Variants in WDR45B observed in about 807,000 individuals in gnomAD.
WDR45B encodes WD repeat domain phosphoinositide-interacting protein 3.
WDR45B carries 20 observed loss-of-function variants against 44.6 expected under a neutral mutation model. The ratio of observed to expected loss-of-function variants is 0.45; its 90% CI spans 0.32 to 0.65. WDR45B has a LOEUF of 0.65. Among genes scored for constraint, WDR45B ranks in the 30% least tolerant of loss-of-function variants. The probability of loss-of-function intolerance (pLI) is 0.05; values close to 1 mark genes in which losing one functional copy is unlikely to be tolerated. For missense variants in WDR45B, 323 were observed against 430.2 expected (o/e 0.75, Z 2.20); for synonymous variants, 169 against 164.9 (o/e 1.02, Z -0.19).
chr17:82,621,932 T>G (rs1257141437), intron 5 of WDR45B, 133 bp from the exon 6 acceptor site: 1 of 1,067,858 alleles, frequency 9.4e-7, no homozygotes, highest in Non-Finnish European at 1.4e-6. Flanking sequence ...CAAATTCAAT[T>G]TAAAGATTTT....
intron 1 of WDR45B, among the ~76,000 whole-genome samples, chr17:82,645,292 C>T (rs1248161981): frequency 6.1e-5 from 9 of 148,588 alleles, no homozygotes; most frequent in South Asian, 2.1e-4. Context: ...AGCAAGACTC[C>T]GTCTCAAAAA....
chr17:82,621,361 T>C (rs576565370), intron 6 of WDR45B, among the ~76,000 whole-genome samples: 36 of 152,304 alleles, frequency 2.4e-4, no homozygotes, highest in African/African-American at 8.7e-4. Context: ...CCCTGTTTCT[T>C]TGGCTTATCA....
chr17:82,634,500 A>G (rs1222953108), intron 2 of WDR45B, among the ~76,000 whole-genome samples: 1 of 150,514 alleles, frequency 6.6e-6, no homozygotes, highest in African/African-American at 2.5e-5. Flanking sequence ...TCAAAAAAAA[A>G]GAAAAAAACA....
At chr17:82,623,387 C>CAAAA (rs59311520) in intron 5 of WDR45B, among the ~76,000 whole-genome samples, 1 of 99,454 alleles carries the variant, frequency 1.0e-5, no homozygotes, top group Non-Finnish European at 2.1e-5. Flanking sequence ...ACTCTATCTC[C>CAAAA]AAAAAAAAAA....
chr17:82,641,845 C>G (rs2045920599), intron 2 of WDR45B, among the ~76,000 whole-genome samples: 2 of 151,784 alleles, frequency 1.3e-5, no homozygotes, highest in African/African-American at 4.8e-5. Flanking sequence ...TTGCAGTGAG[C>G]CGAGATCACA....
intron 2 of WDR45B, among the ~76,000 whole-genome samples, chr17:82,643,079 C>A (rs550221030): frequency 6.6e-6 from 1 of 152,266 alleles, no homozygotes; most frequent in South Asian, 2.1e-4. Context: ...TCTTACGCAC[C>A]CTGACTCATT....
intron 1 of WDR45B, among the ~76,000 whole-genome samples, chr17:82,647,197 C>T (rs959340669): frequency 8.4e-6 from 1 of 119,654 alleles, no homozygotes; most frequent in Admixed American, 8.8e-5. Flanking sequence ...CCAGGCTGGG[C>T]GACAGAATGA....
chr17:82,643,601 A>G (rs2045942950), intron 2 of WDR45B, among the ~76,000 whole-genome samples: 1 of 152,158 alleles, frequency 6.6e-6, no homozygotes, highest in Non-Finnish European at 1.5e-5. Context: ...ATAAAGCACC[A>G]CTTACTGTTC....
intron 2 of WDR45B, among the ~76,000 whole-genome samples, chr17:82,640,486 G>T (rs2045900223): frequency 6.6e-6 from 1 of 151,886 alleles, no homozygotes; most frequent in South Asian, 2.1e-4. Context: ...GAGTAGCTGG[G>T]ATTAAAGGCA....
chr17:82,631,101 A>G (rs2143318074), intron 2 of WDR45B, 79 bp from the exon 3 acceptor site: 1 of 1,429,874 alleles, frequency 7.0e-7, no homozygotes, highest in Admixed American at 1.7e-5. Flanking sequence ...GAGAAAGTCA[A>G]GACAGGTAAC....
At chr17:82,647,025 T>C (rs767297308) in intron 1 of WDR45B, among the ~76,000 whole-genome samples, 3 of 152,060 alleles carry the variant, frequency 2.0e-5, no homozygotes, top group African/African-American at 7.2e-5. Context: ...TGAGGTCAGA[T>C]TGAGACCAGC....
chr17:82,624,355 G>A (rs1448844125), intron 5 of WDR45B, among the ~76,000 whole-genome samples: 2 of 152,118 alleles, frequency 1.3e-5, no homozygotes, highest in Admixed American at 6.5e-5. Context: ...TCCGCCTCCC[G>A]GGTTCAAGCA....
chr17:82,627,704 C>T (rs562795901), intron 3 of WDR45B, among the ~76,000 whole-genome samples: 33 of 152,378 alleles, frequency 2.2e-4, no homozygotes, highest in African/African-American at 7.9e-4. Flanking sequence ...GCGCACAGCC[C>T]GGTCCCGGTC....
intron 1 of WDR45B, chr17:82,644,580 T>C (rs536355347): frequency 8.4e-5 from 15 of 177,626 alleles, no homozygotes; most frequent in Admixed American, 3.7e-4. Flanking sequence ...TCCTGGTCAC[T>C]GCCTCCAAGT....
intron 8 of WDR45B, 143 bp downstream of exon 8, chr17:82,617,153 A>T (rs1033874854): frequency 1.2e-5 from 9 of 775,522 alleles, no homozygotes; most frequent in Non-Finnish European, 1.7e-5. Context: ...TATAAAATTA[A>T]ATGAAAAAGA....
chr17:82,618,994 G>A (rs761017955), intron 7 of WDR45B, 49 bp downstream of exon 7: 14 of 1,580,978 alleles, frequency 8.9e-6, no homozygotes, highest in African/African-American at 1.3e-5. Context: ...GCCCACTTCC[G>A]TGCTGTCAGC....
intron 8 of WDR45B, 133 bp from the exon 9 acceptor site, chr17:82,616,778 T>G (rs1347071223): frequency 1.7e-6 from 2 of 1,186,046 alleles, no homozygotes; most frequent in East Asian, 4.9e-5. Flanking sequence ...ATTTTTTTTT[T>G]GCCATGCATG....
At chr17:82,616,920 C>T (rs1442734796) in intron 8 of WDR45B, among the ~76,000 whole-genome samples, 2 of 152,086 alleles carry the variant, frequency 1.3e-5, no homozygotes, top group South Asian at 2.1e-4. Flanking sequence ...CGGCTTCAAG[C>T]GATTCTCCTG....
At position 82,643,937 on chromosome 17, in the gene WDR45B, G is replaced by A. The variant is rs777401184; in HGVS notation, c.142+12C>T. 31 of 1,612,822 alleles carry A rather than the reference G, an allele frequency of 1.9e-5. No homozygotes were observed. The highest frequency in any genetic ancestry group is 9.9e-5 in the South Asian group (9 of 90,970). ...AAGGGGAGAAACCAGAAAATGTCCCGTTAATTCTTACCTTGTTTCTCTTTT... is the reference window on the plus strand; with the variant it reads ...AAGGGGAGAAACCAGAAAATGTCCCATTAATTCTTACCTTGTTTCTCTTTT... On this transcript the variant is annotated intron_variant, in intron 2 of 9. Coordinates refer to ENST00000392325, the MANE Select transcript of WDR45B (RefSeq NM_019613.4).
Sources: gnomAD v4.1 joint callset for allele counts (sites outside exome capture counted in the v4.1 genomes callset) on GRCh38, gnomAD v4.1.1 for gene constraint, MANE v1.5 for transcripts, NCBI Gene and HGNC (gene_info 2026-07-23, HGNC 2026-07-21) for gene names.